The following PKHD1 variants were observed in gnomAD, a reference collection of about 807,000 sequenced individuals.
The protein encoded by PKHD1 is fibrocystin.
In PKHD1, 291 loss-of-function variants were observed where a neutral mutation model predicts 412.0. That is an observed-to-expected ratio of 0.71 (90% CI 0.64 to 0.78). The LOEUF (loss-of-function observed/expected upper bound fraction) is 0.78, where lower values mean the gene tolerates loss of function less well. Among genes scored for constraint, PKHD1 ranks in the 30% least tolerant of loss-of-function variants. The pLI is 0.00. For missense variants in PKHD1, 4,825 were observed against 4,950.7 expected (o/e 0.97, Z 0.76); for synonymous variants, 1,777 against 1,821.5 (o/e 0.98, Z 0.62).
intron 52 of PKHD1, among the ~76,000 whole-genome samples, chr6:51,811,121 T>C (rs1160630271): frequency 6.6e-6 from 1 of 152,152 alleles, no homozygotes; most frequent in Non-Finnish European, 1.5e-5. Context: ...ATTAGGAAGA[T>C]TTTTATTTTT....
chr6:51,905,922 T>C (rs1188254180), intron 41 of PKHD1, among the ~76,000 whole-genome samples: 2 of 152,162 alleles, frequency 1.3e-5, no homozygotes, highest in Non-Finnish European at 2.9e-5. Flanking sequence ...CAAAGACATA[T>C]GCATGTGACT....
In PKHD1 at chr6:52,048,548, G is replaced by C. The variant is rs769760639; in HGVS notation, c.2351C>G (p.Thr784Arg). ...VLVTTQRRQR[T>R]SPPLGGHFRI... ...AAAGTGTCCTCCTAGAGGTGGACTT[G>C]TCCGCTGTCGTCTCTGTGTCGTCAC... The change falls in exon 23 of 67, where the codon ACA becomes AGA. Residue 784 changes from threonine to arginine, a missense_variant. Physicochemically the swap from Thr to Arg is moderately conservative, Grantham distance 71. Transcript: ENST00000371117. The C allele has an allele frequency of 1.4e-5, 23 of 1,613,886 alleles. No individual in the cohort carries two copies. Among genetic ancestry groups the C allele is most frequent in the Non-Finnish European group, 1.9e-5 (23 of 1,179,848 alleles).
At position 51,941,979 on chromosome 6, in the gene PKHD1, G is replaced by A. The variant is rs772808632; in HGVS notation, c.5909-7657C>T. Reference sequence around the variant, plus strand: ...ATAAAACGTGTTTTCCCTGCCGATCGTGTCCTACTGATCTCTCAAACCCCA... The same window carrying A: ...ATAAAACGTGTTTTCCCTGCCGATCATGTCCTACTGATCTCTCAAACCCCA... On this transcript the variant is annotated intron_variant, in intron 36 of 66. Coordinates refer to ENST00000371117, the MANE Select transcript of PKHD1 (RefSeq NM_138694.4). Among the ~76,000 whole-genome samples the A allele has an allele frequency of 1.2e-4, 18 of 151,472 alleles. 1 individual carries two copies. Among genetic ancestry groups the A allele is most frequent in the Admixed American group, 5.3e-4 (8 of 15,172 alleles).
intron 60 of PKHD1, among the ~76,000 whole-genome samples, chr6:51,742,747 C>A (rs1349377431): frequency 1.3e-5 from 2 of 151,786 alleles, no homozygotes; most frequent in African/African-American, 4.8e-5. Context: ...AAAGGATAAA[C>A]AGTACATTAA....
intron 60 of PKHD1, among the ~76,000 whole-genome samples, chr6:51,736,896 C>T (rs1783924135): frequency 6.6e-6 from 1 of 152,206 alleles, no homozygotes; most frequent in Non-Finnish European, 1.5e-5. Flanking sequence ...AGTTGAGAAA[C>T]TGCAAGCCAC....
intron 49 of PKHD1, among the ~76,000 whole-genome samples, chr6:51,850,905 T>C (rs954288982): frequency 6.6e-6 from 1 of 152,182 alleles, no homozygotes; most frequent in African/African-American, 2.4e-5. Context: ...TCTTGCCTGA[T>C]TACCCGGCCA....
At chr6:51,705,187 G>A (rs1421581409) in intron 60 of PKHD1, among the ~76,000 whole-genome samples, 2 of 152,194 alleles carry the variant, frequency 1.3e-5, no homozygotes, top group Admixed American at 1.3e-4. Context: ...ACAGTACCGA[G>A]AAGTAGAAGA....
intron 55 of PKHD1, among the ~76,000 whole-genome samples, chr6:51,764,419 T>C (rs1400384179): frequency 6.9e-6 from 1 of 145,564 alleles, no homozygotes; most frequent in Non-Finnish European, 1.5e-5. Context: ...AAACAACAGG[T>C]GCTGGAGAGG....
chr6:52,031,867 T>C (rs78802161), intron 29 of PKHD1, among the ~76,000 whole-genome samples: 3 of 152,248 alleles, frequency 2.0e-5, no homozygotes, highest in Non-Finnish European at 4.4e-5. Context: ...TTGCATTGTA[T>C]GTATCAACAA....
intron 53 of PKHD1, among the ~76,000 whole-genome samples, chr6:51,789,754 A>T (rs1405221918): frequency 1.3e-5 from 2 of 152,210 alleles, no homozygotes; most frequent in Non-Finnish European, 2.9e-5. Context: ...TACTTAAAAC[A>T]GCAATAACTA....
chr6:51,659,322 G>C lies in PKHD1; in HGVS notation c.10804C>G (p.Pro3602Ala). The C allele has an allele frequency of 6.2e-7, 1 of 1,613,826 alleles. No homozygotes were observed. The highest frequency in any genetic ancestry group is 1.3e-5 in the African/African-American group (1 of 75,016). Residue 3602 changes from proline (P) to alanine (A), a missense_variant, in exon 61 of 67, where the codon CCT becomes GCT. Coordinates refer to ENST00000371117, the MANE Select transcript of PKHD1 (RefSeq NM_138694.4). ...GCCTTTAAGGTCTCTTCATGGCCAG[G>C]CATCTCGTGAATAAACCTGATTTGG... ...QNQIRFIHEM[P>A]GHEETLKAIA...
intron 27 of PKHD1, among the ~76,000 whole-genome samples, chr6:52,038,596 C>G (rs1210434972): frequency 6.6e-6 from 1 of 152,040 alleles, no homozygotes; most frequent in Non-Finnish European, 1.5e-5. Context: ...CTCCTGACAC[C>G]TTCATCTCAG....
intron 58 of PKHD1, 61 bp from the exon 59 acceptor site, chr6:51,746,950 C>A: frequency 1.0e-6 from 1 of 974,684 alleles, no homozygotes; most frequent in South Asian, 1.4e-5. Context: ...CCACAAATAT[C>A]GAATATACAA....
chr6:51,736,740 T>G (rs1341711588), intron 60 of PKHD1, among the ~76,000 whole-genome samples: 1 of 152,102 alleles, frequency 6.6e-6, no homozygotes, highest in African/African-American at 2.4e-5. Context: ...CCGTTTCCTC[T>G]CTCCATTCTG....
intron 60 of PKHD1, among the ~76,000 whole-genome samples, chr6:51,689,914 C>T (rs975020271): frequency 1.3e-5 from 2 of 152,142 alleles, no homozygotes; most frequent in Non-Finnish European, 2.9e-5. Flanking sequence ...TATGGCCATA[C>T]TGCCCAGAGC....
chr6:51,844,470 A>G (rs988152579), intron 50 of PKHD1, among the ~76,000 whole-genome samples: 1 of 152,186 alleles, frequency 6.6e-6, no homozygotes, highest in African/African-American at 2.4e-5. Context: ...GGGTTCTCCC[A>G]CAACCCTGCC....
chr6:51,822,457 C>T (rs1339904508), intron 52 of PKHD1, among the ~76,000 whole-genome samples: 3 of 152,122 alleles, frequency 2.0e-5, no homozygotes, highest in Admixed American at 2.0e-4. Flanking sequence ...CATGACTACT[C>T]GTTCTATGAT....
At chr6:51,890,398 T>A (rs1488163671) in intron 43 of PKHD1, among the ~76,000 whole-genome samples, 1 of 148,620 alleles carries the variant, frequency 6.7e-6, no homozygotes, top group African/African-American at 2.4e-5. Context: ...AGGCATTTGC[T>A]GTGGCCTCCC....
chr6:52,039,147 A>T (rs1002995310), intron 27 of PKHD1, among the ~76,000 whole-genome samples: 1 of 152,240 alleles, frequency 6.6e-6, no homozygotes, highest in African/African-American at 2.4e-5. Context: ...ATTTTTAGTC[A>T]TTAGGAAAAT....
Sources: allele counts gnomAD v4.1 joint callset (sites outside exome capture counted in the v4.1 genomes callset), GRCh38; gene constraint gnomAD v4.1.1; transcripts MANE v1.5; gene names NCBI Gene and HGNC (gene_info 2026-07-23, HGNC 2026-07-21).